UGT1A7: variants seen among roughly 807,000 people sequenced by gnomAD.
The protein encoded by UGT1A7 is UDP-glucuronosyltransferase 1A7.
A neutral mutation model predicts 45.6 loss-of-function variants in UGT1A7; 33 were observed. The observed-to-expected ratio is 0.72, with a 90% CI of 0.55 to 0.97. The LOEUF is 0.97. Ranked by LOEUF, UGT1A7 falls within the 50% of genes least tolerant of loss-of-function variation. UGT1A7 has a pLI of 0.00. For missense variants in UGT1A7, 684 were observed against 666.2 expected, an observed-to-expected ratio of 1.03 and a Z score of -0.29; for synonymous variants, 274 against 250.6, an observed-to-expected ratio of 1.09 and a Z score of -0.88.
chr2:233,724,563 G>A, intron 1 of UGT1A7, among the ~76,000 whole-genome samples: 1 of 129,616 alleles, frequency 7.7e-6, no homozygotes, highest in Non-Finnish European at 1.6e-5. Flanking sequence ...CCCAGATGGG[G>A]CGGCGGGGCA....
rs570585293 is a variant in UGT1A7 at position 233,691,036 on chromosome 2, C to T, written c.855+8244C>T. The T allele has an allele frequency of 6.3e-5, 62 of 989,684 alleles. No individual in the cohort carries two copies. In the African/African-American group the frequency reaches 7.5e-4, roughly 12 times the overall value. The allele number at this position is 989,684 out of a possible 1,614,324, so 61.3% of individuals were successfully genotyped here. A position where few individuals can be genotyped will look rare whatever the true frequency, so the allele number is the denominator to read the frequency against. ...CTGTGGTTGGAAGGGCTCAGACCAA[C>T]GTCCACAGCAGAGTGGAGGTCTAGT... is the stretch of plus-strand genomic sequence containing the variant. On this transcript the variant is annotated intron_variant, in intron 1 of 4. Transcript: ENST00000373426.
intron 1 of UGT1A7, among the ~76,000 whole-genome samples, chr2:233,758,781 G>C (rs1359978174): frequency 6.6e-6 from 1 of 152,186 alleles, no homozygotes; most frequent in African/African-American, 2.4e-5. Context: ...GTTGGGATCT[G>C]TGCAGTTATC....
chr2:233,729,371 T>C, intron 1 of UGT1A7: 2 of 1,614,096 alleles, frequency 1.2e-6, no homozygotes, highest in Non-Finnish European at 8.5e-7. Flanking sequence ...ACCTATGCCA[T>C]TTCGTGGACC....
Position 233,682,259 on chromosome 2 carries a change from C to T in UGT1A7, c.322C>T (p.Leu108=), listed in dbSNP as rs201200762. ...WTAPLRSAFS[L]LTSSSNGIFD... ...GGCACCATTGCGAAGTGCATTTTCT[C>T]TATTAACAAGTTCATCCAATGGTAT... is the stretch of plus-strand genomic sequence containing the variant. Residue 108 remains leucine, a synonymous_variant, in exon 1 of 5, where the codon CTA becomes TTA. Transcript: ENST00000373426. The T allele has an allele frequency of 1.9e-6, 3 of 1,614,054 alleles. No individual in the cohort carries two copies. The highest frequency in any genetic ancestry group is 1.3e-5 in the African/African-American group (1 of 74,924).
intron 1 of UGT1A7, among the ~76,000 whole-genome samples, chr2:233,700,963 T>G (rs1349479998): frequency 6.6e-6 from 1 of 151,662 alleles, no homozygotes; most frequent in Admixed American, 6.6e-5. Flanking sequence ...AGTGAGAACA[T>G]GCGGTGTTTG....
At chr2:233,712,747 C>T (rs1276228236) in intron 1 of UGT1A7, among the ~76,000 whole-genome samples, 3 of 152,002 alleles carry the variant, frequency 2.0e-5, no homozygotes, top group African/African-American at 7.3e-5. Context: ...TTGGATGTTC[C>T]CCAGAGCGAG....
At chr2:233,724,244 G>A (rs2077194489) in intron 1 of UGT1A7, among the ~76,000 whole-genome samples, 1 of 128,296 alleles carries the variant, frequency 7.8e-6, no homozygotes, top group Non-Finnish European at 1.7e-5. Flanking sequence ...GCCGGGCAGA[G>A]GCGCCCCTCA....
At position 233,757,535 on chromosome 2, in the gene UGT1A7, AATAT is replaced by A. The variant is rs67292694; in HGVS notation, c.856-9476_856-9473del. On this transcript the variant is annotated intron_variant, in intron 1 of 4. Coordinates refer to ENST00000373426, the MANE Select transcript of UGT1A7 (RefSeq NM_019077.3). Reference sequence around the variant, plus strand: ...CAAAGCCAAAATCTTGCCTGTAAGGAATATATATATATATATATATATATATGTA... The same window carrying A: ...CAAAGCCAAAATCTTGCCTGTAAGGAATATATATATATATATATATATGTA... Among the ~76,000 whole-genome samples, 85 of 88,296 alleles carry A rather than the reference AATAT, an allele frequency of 9.6e-4. 5 individuals carry two copies. The highest frequency in any genetic ancestry group is 3.6e-3 in the African/African-American group (72 of 19,936). 57.9% of individuals were successfully genotyped at this position (88,296 alleles called of 152,430 possible).
intron 1 of UGT1A7, among the ~76,000 whole-genome samples, chr2:233,759,016 T>G (rs1226235816): frequency 6.6e-6 from 1 of 152,208 alleles, no homozygotes; most frequent in Non-Finnish European, 1.5e-5. Context: ...TTAATTGAAT[T>G]TGCTTATCTA....
chr2:233,769,069 T>C lies in UGT1A7; in HGVS notation c.1295+630T>C, dbSNP rs1362327235. On this transcript the variant is annotated intron_variant, in intron 4 of 4. Transcript: ENST00000373426. The surrounding 1 kb of genome is among the most constrained non-coding windows in gnomAD (Gnocchi z 4.4). ...CATAAGTTTCCTGCACAGAAAGAAA[T>C]ACTCCATTATAAGAAGCATAGTATC... is the stretch of plus-strand genomic sequence containing the variant. 1.3e-5 allele frequency among the ~76,000 whole-genome samples: 2 copies of C among 152,194 alleles called. No individual in the cohort carries two copies. Among genetic ancestry groups the C allele is most frequent in the Admixed American group, 6.5e-5 (1 of 15,280 alleles).
At chr2:233,747,365 C>T (rs954513567) in intron 1 of UGT1A7, 1 of 1,604,254 alleles carries the variant, frequency 6.2e-7, no homozygotes, top group Non-Finnish European at 8.5e-7. Context: ...TGCGGGAGCT[C>T]CATGCCAGAG....
intron 1 of UGT1A7, among the ~76,000 whole-genome samples, chr2:233,749,521 C>T (rs1559394435): frequency 6.6e-6 from 1 of 151,908 alleles, no homozygotes; most frequent in East Asian, 1.9e-4. Flanking sequence ...ACTAGCAAGG[C>T]TAATTTTCGA....
At chr2:233,738,083 T>G (rs1690690537) in intron 1 of UGT1A7, among the ~76,000 whole-genome samples, 1 of 152,170 alleles carries the variant, frequency 6.6e-6, no homozygotes, top group Admixed American at 6.5e-5. Context: ...CCTAATCTCA[T>G]CATAGTGAGT....
chr2:233,754,587 G>A (rs1339334824), intron 1 of UGT1A7: 1 of 428,154 alleles, frequency 2.3e-6, no homozygotes, highest in Non-Finnish European at 4.7e-6. Flanking sequence ...CGTTTATTAT[G>A]AAGGACTTTA....
chr2:233,769,746 T>G lies in UGT1A7; in HGVS notation c.1295+1307T>G. On this transcript the variant is annotated intron_variant, in intron 4 of 4. Coordinates refer to ENST00000373426, the MANE Select transcript of UGT1A7 (RefSeq NM_019077.3). The surrounding 1 kb of genome is among the most constrained non-coding windows in gnomAD (Gnocchi z 4.4). ...GGCACACGCCTGTAGTCCCAGCCAC[T>G]CTGGAGGCTAAGGCGGGAGGATTGC... 6.9e-7 allele frequency: 1 copy of G among 1,441,832 alleles called. No homozygotes were observed. The highest frequency in any genetic ancestry group is 9.1e-7 in the Non-Finnish European group (1 of 1,095,648). The allele number at this position is 1,441,832 out of a possible 1,614,324, so 89.3% of individuals were successfully genotyped here.
At chr2:233,753,561 G>A (rs1235204227) in intron 1 of UGT1A7, 1 of 152,192 alleles carries the variant, frequency 6.6e-6, no homozygotes, top group African/African-American at 2.4e-5. Flanking sequence ...GACCCTAGAA[G>A]ATGGGACCCT....
intron 1 of UGT1A7, among the ~76,000 whole-genome samples, chr2:233,757,757 G>C (rs1696714079): frequency 6.6e-6 from 1 of 151,646 alleles, no homozygotes; most frequent in African/African-American, 2.4e-5. Context: ...TGTTTATGTT[G>C]CTCCTTTAGT....
intron 1 of UGT1A7, chr2:233,713,278 ACACT>A: frequency 6.2e-7 from 1 of 1,614,252 alleles, no homozygotes; most frequent in Non-Finnish European, 8.5e-7. Context: ...TTGCTGGGTC[ACACT>A]CAATCGTTCT....
intron 1 of UGT1A7, chr2:233,693,782 G>T (rs1430331548): frequency 3.1e-6 from 5 of 1,614,078 alleles, no homozygotes; most frequent in Non-Finnish European, 4.2e-6. Context: ...ATATGACTTT[G>T]TGCTTGAATA....
Sources: allele counts gnomAD v4.1 joint callset (sites outside exome capture counted in the v4.1 genomes callset), GRCh38; gene constraint gnomAD v4.1.1; non-coding constraint Gnocchi (gnomAD v3.1); transcripts MANE v1.5; gene names NCBI Gene and HGNC (gene_info 2026-07-23, HGNC 2026-07-21).